The following MYO5B variants were observed in gnomAD, a reference collection of about 807,000 sequenced individuals.
The protein encoded by MYO5B is unconventional myosin-Vb.
Under a neutral mutation model 229.3 loss-of-function variants are expected in MYO5B, and 143 were observed. The observed-to-expected ratio is 0.62, with a 90% CI of 0.54 to 0.72. The LOEUF (loss-of-function observed/expected upper bound fraction) is 0.72. Ranked by LOEUF, MYO5B falls within the 30% of genes least tolerant of loss-of-function variation. MYO5B has a pLI of 0.00. For missense variants in MYO5B, 2,321 were observed against 2,331.0 expected, an observed-to-expected ratio of 1.00 and a Z score of 0.09; for synonymous variants, 918 against 885.2, an observed-to-expected ratio of 1.04 and a Z score of -0.66.
rs2023796747 is a variant in MYO5B, at chr18:49,823,439, G to C, written c.*3032C>G. On this transcript the variant is annotated 3_prime_UTR_variant, in exon 40 of 40. Transcript: ENST00000285039. The stretch of plus-strand genomic sequence containing the variant: ...CACCCTTGCTGTCTTAGTAGGTCAA[G>C]TGTATGAAAATTTACTTTATGCAGA... 6.6e-6 allele frequency: 1 copy of C among 152,322 alleles called. No individual in the cohort carries two copies. 9.4% of individuals were successfully genotyped at this position (152,322 alleles called of 1,614,324 possible). A position where few individuals can be genotyped will look rare whatever the true frequency, so the allele number is the denominator to read the frequency against.
At position 49,906,646 on chromosome 18, in the gene MYO5B, A is replaced by G. The variant is rs2144151009; in HGVS notation, c.2203-16T>C. On this transcript the variant is annotated splice_polypyrimidine_tract_variant and intron_variant, in intron 18 of 39. Coordinates refer to ENST00000285039, the MANE Select transcript of MYO5B (RefSeq NM_001080467.3). ...TGTCGGGGTCCTTTACAAGGTAGGG[A>G]GGGGATCTGGTTGGTCACCAGTGAG... 6.2e-7 allele frequency: 1 copy of G among 1,607,964 alleles called. No homozygotes were observed. Among genetic ancestry groups the G allele is most frequent in the Non-Finnish European group, 8.5e-7 (1 of 1,174,730 alleles).
At chr18:50,118,677 T>C (rs2032008232) in intron 1 of MYO5B, among the ~76,000 whole-genome samples, 1 of 147,914 alleles carries the variant, frequency 6.8e-6, no homozygotes, top group African/African-American at 2.5e-5. Context: ...CAGGCTGGAG[T>C]GCAGTGGCGC....
In MYO5B at chr18:49,907,150, G is replaced by C. The variant is rs188089814; in HGVS notation, c.2203-520C>G. Among the ~76,000 whole-genome samples the C allele has an allele frequency of 4.3e-4, 66 of 152,286 alleles. No individual in the cohort carries two copies. The East Asian group carries it at 0.012, about 27-fold the overall frequency. ...TATATCTGAGGATCAGGAGAGCCAG[G>C]ATGGCTAGCTGGGGGAACTGAAGGT... On this transcript the variant is annotated intron_variant, in intron 18 of 39. Coordinates refer to ENST00000285039, the MANE Select transcript of MYO5B (RefSeq NM_001080467.3).
chr18:49,889,333 A>C (rs556749620), intron 22 of MYO5B, among the ~76,000 whole-genome samples: 96 of 152,336 alleles, frequency 6.3e-4, no homozygotes, highest in Middle Eastern at 3.4e-3. Flanking sequence ...AAATTATCAA[A>C]ATAGATTTCA....
Position 49,962,254 on chromosome 18 carries a change from C to A in MYO5B, c.1545+12G>T. ...ACCCTAGAATTGAACTAATTTGCAT[C>A]ATCAGTTTTACCTTACATTCTTCAT... On this transcript the variant is annotated intron_variant, in intron 12 of 39. Coordinates refer to ENST00000285039, the MANE Select transcript of MYO5B (RefSeq NM_001080467.3). 6.2e-7 allele frequency: 1 copy of A among 1,614,102 alleles called. No homozygotes were observed. The highest frequency in any genetic ancestry group is 2.2e-5 in the East Asian group (1 of 44,872).
In MYO5B at chr18:50,115,658, A is replaced by AT. The variant is rs2031949233; in HGVS notation, c.28-60281dup. 2.0e-5 allele frequency among the ~76,000 whole-genome samples: 3 copies of AT among 152,092 alleles called. No homozygotes were observed. In the South Asian group the frequency reaches 6.2e-4, roughly 31 times the overall value. On this transcript the variant is annotated intron_variant, in intron 1 of 39. Coordinates refer to ENST00000285039, the MANE Select transcript of MYO5B (RefSeq NM_001080467.3). ...ATCCCCTTATGGTGGGAGTCTAATG[A>AT]TTAGTATGACTTCAGAATCTTACAG...
chr18:49,875,900 G>A (rs2024516781), intron 25 of MYO5B, 73 bp from the exon 26 acceptor site: 1 of 1,558,782 alleles, frequency 6.4e-7, no homozygotes, highest in Non-Finnish European at 8.8e-7. Context: ...GCACTTCACT[G>A]CCTCCCTCTA....
intron 1 of MYO5B, among the ~76,000 whole-genome samples, chr18:50,112,378 C>T (rs1223604972): frequency 1.3e-5 from 2 of 152,146 alleles, no homozygotes; most frequent in African/African-American, 4.8e-5. Flanking sequence ...ACAATACTGG[C>T]CCATCAGAGC....
At chr18:50,105,342 G>C (rs2144508766) in intron 1 of MYO5B, among the ~76,000 whole-genome samples, 1 of 152,280 alleles carries the variant, frequency 6.6e-6, no homozygotes, top group South Asian at 2.1e-4. Context: ...ATGTTGTTCA[G>C]AGTGATGTGA....
intron 6 of MYO5B, 49 bp downstream of exon 6, chr18:49,992,239 G>A (rs750369026): frequency 1.5e-5 from 25 of 1,612,954 alleles, no homozygotes; most frequent in South Asian, 3.3e-5. Flanking sequence ...CAGAAGTAAG[G>A]TAATTGTCCA....
chr18:49,992,191 G>C (rs2025940388), intron 6 of MYO5B, 97 bp downstream of exon 6: 2 of 1,515,274 alleles, frequency 1.3e-6, no homozygotes, highest in East Asian at 2.3e-5. Flanking sequence ...AGGCTCACAA[G>C]AGAGATTCTC....
chr18:50,150,797 A>G (rs1056879211), intron 1 of MYO5B, among the ~76,000 whole-genome samples: 1 of 152,186 alleles, frequency 6.6e-6, no homozygotes, highest in Non-Finnish European at 1.5e-5. Context: ...ACTAACCTGC[A>G]CATTGTGCAC....
chr18:49,875,731 C>T lies in MYO5B; in HGVS notation c.3493G>A (p.Val1165Met), dbSNP rs755012983. 9 of 1,614,168 alleles carry T rather than the reference C, an allele frequency of 5.6e-6. No homozygotes were observed. The Admixed American group carries it at 8.3e-5, about 15-fold the overall frequency. The change falls in exon 26 of 40, where the codon GTG becomes ATG. Residue 1165 changes from valine to methionine, a missense_variant. Val to Met is a conservative substitution (Grantham distance 21). Around this residue, in one of 2 missense-constraint regions of MYO5B, gnomAD observed 2,113 missense variants for 2,044.7 expected, o/e 1.03. Transcript: ENST00000285039. ...TGCTGTTCTCTCTTCTCCAGCTGCACTTGCAGCTTTTTCCTCTCCTGCTCC... is the reference window on the plus strand; with the variant it reads ...TGCTGTTCTCTCTTCTCCAGCTGCATTTGCAGCTTTTTCCTCTCCTGCTCC... ...ELEQERKKLQVQLEKREQQDS... is the reference protein window; with the variant it reads ...ELEQERKKLQMQLEKREQQDS...
chr18:50,153,612 G>A (rs1275779869), intron 1 of MYO5B, among the ~76,000 whole-genome samples: 1 of 152,134 alleles, frequency 6.6e-6, no homozygotes, highest in Non-Finnish European at 1.5e-5. Flanking sequence ...ACCACGCCTG[G>A]CTAATTTTTG....
At chr18:50,117,019 T>C (rs1176145018) in intron 1 of MYO5B, among the ~76,000 whole-genome samples, 2 of 152,314 alleles carry the variant, frequency 1.3e-5, no homozygotes, top group South Asian at 4.1e-4. Flanking sequence ...GTAGCAGCAA[T>C]TGACATTTTG....
chr18:50,188,695 C>G (rs2457977), intron 1 of MYO5B, among the ~76,000 whole-genome samples: 133,747 of 151,150 alleles, frequency 0.88, 59,206 homozygotes, highest in Middle Eastern at 0.9. Context: ...GCTGAGGCCG[C>G]AGAATCACTC....
intron 1 of MYO5B, among the ~76,000 whole-genome samples, chr18:50,175,315 T>C (rs1298585375): frequency 6.6e-6 from 1 of 152,200 alleles, no homozygotes; most frequent in African/African-American, 2.4e-5. Flanking sequence ...TCTGTCTGCA[T>C]CCAAGCTTGC....
At chr18:49,895,432 G>C (rs2024767573) in intron 21 of MYO5B, among the ~76,000 whole-genome samples, 1 of 152,252 alleles carries the variant, frequency 6.6e-6, no homozygotes, top group East Asian at 1.9e-4. Flanking sequence ...AGCATGTGCA[G>C]AGCTGGAAGC....
At chr18:50,010,411 CCAGA>C (rs1403846665) in intron 4 of MYO5B, among the ~76,000 whole-genome samples, 5 of 152,170 alleles carry the variant, frequency 3.3e-5, no homozygotes, top group African/African-American at 7.2e-5. Flanking sequence ...GGCAGACAGG[CCAGA>C]CAGAGGGAGA....
Sources: allele counts gnomAD v4.1 joint callset (sites outside exome capture counted in the v4.1 genomes callset), GRCh38; gene constraint gnomAD v4.1.1; regional missense constraint gnomAD v4.1.1; transcripts MANE v1.5; gene names NCBI Gene and HGNC (gene_info 2026-07-23, HGNC 2026-07-21).